Variants in ZFHX4 observed in about 807,000 individuals in gnomAD.
ZFHX4 encodes zinc finger homeobox 4.
Under a neutral mutation model 267.6 loss-of-function variants are expected in ZFHX4, and 56 were observed. That is an observed-to-expected ratio of 0.21 (90% CI 0.17 to 0.26). The LOEUF is 0.26. Among genes scored for constraint, ZFHX4 ranks in the 10% least tolerant of loss-of-function variants. ZFHX4 has a pLI of 1.00. For missense variants in ZFHX4, 4,332 were observed against 4,420.0 expected (o/e 0.98, Z 0.56); for synonymous variants, 1,778 against 1,665.6 (o/e 1.07, Z -1.64).
At chr8:76,737,455 T>C (rs1456281465) in intron 3 of ZFHX4, among the ~76,000 whole-genome samples, 1 of 152,196 alleles carries the variant, frequency 6.6e-6, no homozygotes, top group Non-Finnish European at 1.5e-5. Context: ...TTTCTAGATG[T>C]TCTGTACTTT....
At chr8:76,781,547 T>C (rs1029631898) in intron 4 of ZFHX4, among the ~76,000 whole-genome samples, 12 of 152,082 alleles carry the variant, frequency 7.9e-5, no homozygotes, top group Non-Finnish European at 1.5e-4. Flanking sequence ...TTTCTTAACT[T>C]TTCATTTGAT....
intron 3 of ZFHX4, among the ~76,000 whole-genome samples, chr8:76,721,944 AT>A (rs199820809): frequency 2.6e-5 from 4 of 151,516 alleles, no homozygotes; most frequent in Admixed American, 6.6e-5. Flanking sequence ...AACTGACAGG[AT>A]TTTTTTTTCT....
chr8:76,752,487 C>CAAAAAAAAAAA (rs144149879), intron 3 of ZFHX4, among the ~76,000 whole-genome samples: 35 of 70,900 alleles, frequency 4.9e-4, no homozygotes, highest in Non-Finnish European at 5.8e-4. Flanking sequence ...ACCAAAAATC[C>CAAAAAAAAAAA]AAAAAAAAAA....
chr8:76,830,907 T>C (rs1204707674), intron 4 of ZFHX4, among the ~76,000 whole-genome samples: 1 of 152,198 alleles, frequency 6.6e-6, no homozygotes, highest in Admixed American at 6.5e-5. Flanking sequence ...CGGCCTTTGC[T>C]AAGACTAGGA....
In ZFHX4 at chr8:76,864,510, C is replaced by T; in HGVS notation, c.10796C>T (p.Ala3599Val). 6.2e-7 allele frequency: 1 copy of T among 1,612,626 alleles called. No individual in the cohort carries two copies. Among genetic ancestry groups the T allele is most frequent in the Non-Finnish European group, 8.5e-7 (1 of 1,179,386 alleles). ...TCTTTGGAAGTGAAGGCTAAGCCTGCTTCTGGCCTAGATGGTAATTTCAAT... is the reference window on the plus strand; with the variant it reads ...TCTTTGGAAGTGAAGGCTAAGCCTGTTTCTGGCCTAGATGGTAATTTCAAT... Reference protein sequence around the residue: ...DNSLEVKAKPASGLDGNFNSI... With the variant: ...DNSLEVKAKPVSGLDGNFNSI... The change falls in exon 11 of 11, where the codon GCT becomes GTT. Residue 3599 changes from alanine to valine, a missense_variant. Around this residue, in one of 7 missense-constraint regions of ZFHX4, gnomAD observed 1,648 missense variants for 1,625.0 expected, o/e 1.01. Transcript: ENST00000651372.
intron 1 of ZFHX4, among the ~76,000 whole-genome samples, chr8:76,698,277 A>C (rs1301120626): frequency 6.6e-6 from 1 of 152,134 alleles, no homozygotes; most frequent in African/African-American, 2.4e-5. Flanking sequence ...CTGATTATAA[A>C]ATTTTCCTGA....
intron 1 of ZFHX4, among the ~76,000 whole-genome samples, chr8:76,691,549 A>G (rs1314013803): frequency 2.0e-5 from 3 of 152,078 alleles, no homozygotes; most frequent in Non-Finnish European, 4.4e-5. Context: ...TTTAAATGAT[A>G]TTATTTAAAC....
At chr8:76,732,029 A>C (rs958879193) in intron 3 of ZFHX4, among the ~76,000 whole-genome samples, 1 of 151,952 alleles carries the variant, frequency 6.6e-6, no homozygotes, top group Non-Finnish European at 1.5e-5. Context: ...TTTAGTAGAG[A>C]CAGGATTTCA....
At chr8:76,850,084 A>G (rs1220262661) in intron 8 of ZFHX4, 161 bp from the exon 9 acceptor site, 2 of 612,662 alleles carry the variant, frequency 3.3e-6, no homozygotes, top group African/African-American at 3.7e-5. Context: ...GCATTGATCT[A>G]AAGTGGCAAG....
At position 76,863,103 on chromosome 8, in the gene ZFHX4, C is replaced by T. The variant is rs578228571; in HGVS notation, c.9389C>T (p.Pro3130Leu). ...CTGTTGTTGTTTTCAGCTTTAACAC[C>T]TCCCGGTGCAGGCATGCTTGGGTTT... ...GFPQNSNTLT[P>L]PGAGMLGFPT... Residue 3130 changes from proline (P) to leucine (L), a missense_variant, in exon 11 of 11, where the codon CCT (proline) becomes CTT (leucine). Coordinates refer to ENST00000651372, the MANE Select transcript of ZFHX4 (RefSeq NM_024721.5). The T allele has an allele frequency of 2.0e-6, 3 of 1,513,604 alleles. No individual in the cohort carries two copies. The highest frequency in any genetic ancestry group is 1.4e-5 in the African/African-American group (1 of 71,986). The allele number at this position is 1,513,604 out of a possible 1,614,324, so 93.8% of individuals were successfully genotyped here. A position where few individuals can be genotyped will look rare whatever the true frequency, so the allele number is the denominator to read the frequency against.
chr8:76,853,843 A>T lies in ZFHX4; in HGVS notation c.6922A>T (p.Ser2308Cys). The change falls in exon 10 of 11, where the codon AGC becomes TGC. Residue 2308 changes from serine (S) to cysteine (C), a missense_variant. Transcript: ENST00000651372. ...ELTNERYIRT[S>C]NMQYQCKKCN... is the part of the protein sequence containing the mutation. ...CACTAATGAACGGTACATTCGAACA[A>T]GCAACATGCAGTACCAGTGTAAAAA... 6.2e-7 allele frequency: 1 copy of T among 1,613,940 alleles called. No homozygotes were observed. Among genetic ancestry groups the T allele is most frequent in the Non-Finnish European group, 8.5e-7 (1 of 1,179,876 alleles).
chr8:76,715,481 TAAAAAAAAAA>T (rs764567552), intron 3 of ZFHX4, among the ~76,000 whole-genome samples: 1 of 62,318 alleles, frequency 1.6e-5, no homozygotes, highest in African/African-American at 6.5e-5. Context: ...GACTCCATCT[TAAAAAAAAAA>T]AAAAAAAAAA....
intron 3 of ZFHX4, among the ~76,000 whole-genome samples, chr8:76,750,024 T>A (rs975335834): frequency 4.6e-5 from 7 of 152,154 alleles, no homozygotes; most frequent in Non-Finnish European, 7.4e-5. Flanking sequence ...GTGAGATTTT[T>A]AAAAAATAAC....
intron 4 of ZFHX4, among the ~76,000 whole-genome samples, chr8:76,803,138 G>A (rs753219374): frequency 3.3e-5 from 5 of 152,028 alleles, no homozygotes; most frequent in Non-Finnish European, 7.4e-5. Context: ...CAGGAAAGAC[G>A]CAAATTTACT....
At chr8:76,780,680 A>G (rs970480227) in intron 4 of ZFHX4, among the ~76,000 whole-genome samples, 28 of 152,264 alleles carry the variant, frequency 1.8e-4, no homozygotes, top group African/African-American at 6.5e-4. Context: ...ATTTTCAGAG[A>G]TAAGGATAGA....
chr8:76,705,027 C>G lies in ZFHX4; in HGVS notation c.939C>G (p.Leu313=). 1 of 1,613,884 alleles carries G rather than the reference C, an allele frequency of 6.2e-7. No homozygotes were observed. The highest frequency in any genetic ancestry group is 1.1e-5 in the South Asian group (1 of 91,076). ...TCAATGACGAGGAGCAGAAGCTCCT[C>G]AGTAATAAATGCGTCTCCGCCATAA... ...MTLNDEEQKL[L]SNKCVSAIIQ... The change falls in exon 2 of 11, where the codon CTC becomes CTG. Residue 313 remains leucine (L), a synonymous_variant. Transcript: ENST00000651372.
chr8:76,768,223 T>TG (rs890574811), intron 3 of ZFHX4, among the ~76,000 whole-genome samples: 3 of 152,092 alleles, frequency 2.0e-5, no homozygotes, highest in Non-Finnish European at 4.4e-5. Context: ...GAGCAAACAA[T>TG]GAAATGATCA....
At chr8:76,821,799 C>T (rs1007407034) in intron 4 of ZFHX4, among the ~76,000 whole-genome samples, 1 of 152,126 alleles carries the variant, frequency 6.6e-6, no homozygotes, top group East Asian at 1.9e-4. Flanking sequence ...GATAAATCAC[C>T]TCTTGCATCT....
intron 10 of ZFHX4, among the ~76,000 whole-genome samples, chr8:76,860,388 T>C (rs1812834807): frequency 6.6e-6 from 1 of 152,094 alleles, no homozygotes; most frequent in Admixed American, 6.6e-5. Flanking sequence ...ATTACTTCAT[T>C]ATGTAACCCT....
Sources: gnomAD v4.1 joint callset for allele counts (sites outside exome capture counted in the v4.1 genomes callset) on GRCh38, gnomAD v4.1.1 for gene constraint, gnomAD v4.1.1 regional missense constraint, MANE v1.5 for transcripts, NCBI Gene and HGNC (gene_info 2026-07-23, HGNC 2026-07-21) for gene names.